The following HORMAD2 variants were observed in gnomAD, a reference collection of about 807,000 sequenced individuals.
HORMAD2 encodes the protein HORMA domain containing 2, also known as HORMA domain-containing protein 2.
A neutral mutation model predicts 38.8 loss-of-function variants in HORMAD2; 45 were observed. That is an observed-to-expected ratio of 1.16 (90% confidence interval 0.91 to 1.49). The LOEUF is 1.49. Among genes scored for constraint, HORMAD2 ranks in the 40% most tolerant of loss-of-function variants. The pLI is 0.00. For synonymous variants in HORMAD2, 126 were observed against 122.8 expected, an observed-to-expected ratio of 1.03 and a Z score of -0.17; for missense variants, 338 against 367.0, an observed-to-expected ratio of 0.92 and a Z score of 0.65.
At chr22:30,133,464 T>C (rs375573366) in intron 10 of HORMAD2, among the ~76,000 whole-genome samples, 1 of 92,766 alleles carries the variant, frequency 1.1e-5, no homozygotes, top group Middle Eastern at 6.2e-3. Context: ...TGTATATATA[T>C]ACATATATAT....
At chr22:30,182,864 T>C in the HORMAD2 span, among the ~76,000 whole-genome samples, 1 of 152,166 alleles carries the variant, frequency 6.6e-6, no homozygotes, top group Non-Finnish European at 1.5e-5. Flanking sequence ...AGGTAATACA[T>C]TCACATGATT....
In HORMAD2 at chr22:30,088,661, A is replaced by G. The variant is rs772370315; in HGVS notation, c.-37-5255A>G. On this transcript the variant is annotated intron_variant, in intron 1 of 10. Coordinates refer to ENST00000336726, the MANE Select transcript of HORMAD2 (RefSeq NM_152510.4). Reference sequence around the variant, plus strand: ...AAGTTTTATTAGTTTTATTAATTTTATTAATTAAAAAAGTTAATTTAAAAA... The same window carrying G: ...AAGTTTTATTAGTTTTATTAATTTTGTTAATTAAAAAAGTTAATTTAAAAA... 1.2e-4 allele frequency among the ~76,000 whole-genome samples: 18 copies of G among 151,494 alleles called. 1 individual carries two copies. Among genetic ancestry groups the G allele is most frequent in the Middle Eastern group, 3.4e-3 (1 of 292 alleles).
chr22:30,197,222 A>T, the HORMAD2 span, among the ~76,000 whole-genome samples: 1 of 151,434 alleles, frequency 6.6e-6, no homozygotes, highest in African/African-American at 2.4e-5. Flanking sequence ...CAGTTTCTTC[A>T]TTCTGAACTG....
At chr22:30,200,140 C>T in the HORMAD2 span, among the ~76,000 whole-genome samples, 4 of 151,904 alleles carry the variant, frequency 2.6e-5, no homozygotes, top group Admixed American at 6.6e-5. Context: ...TGGTCTCAAA[C>T]TCCTGACCCC....
the HORMAD2 span, among the ~76,000 whole-genome samples, chr22:30,193,067 C>T: frequency 1.3e-5 from 2 of 151,894 alleles, no homozygotes; most frequent in Admixed American, 6.6e-5. Context: ...AAATGATAGA[C>T]CGAAAAAAGC....
the HORMAD2 span, among the ~76,000 whole-genome samples, chr22:30,194,346 G>T: frequency 6.6e-6 from 1 of 152,172 alleles, no homozygotes; most frequent in East Asian, 1.9e-4. Flanking sequence ...CATTACAGTT[G>T]TTTAGTCTGG....
intron 5 of HORMAD2, 128 bp downstream of exon 5, chr22:30,104,565 A>T: frequency 1.5e-6 from 1 of 660,294 alleles, no homozygotes; most frequent in Non-Finnish European, 2.5e-6. Flanking sequence ...CCATAAACTA[A>T]TTTCTTATCT....
intron 5 of HORMAD2, 94 bp from the exon 6 acceptor site, chr22:30,111,702 T>C (rs1921669849): frequency 5.8e-6 from 6 of 1,042,994 alleles, no homozygotes; most frequent in Non-Finnish European, 8.3e-6. Flanking sequence ...CTTTCGAACC[T>C]CTCTGAAATA....
chr22:30,193,687 C>T, the HORMAD2 span, among the ~76,000 whole-genome samples: 1 of 152,202 alleles, frequency 6.6e-6, no homozygotes, highest in African/African-American at 2.4e-5. Flanking sequence ...ACCAATGAGG[C>T]TGGTCCCCAC....
chr22:30,168,961 GC>G (rs1925948168), intron 10 of HORMAD2, among the ~76,000 whole-genome samples: 2 of 152,010 alleles, frequency 1.3e-5, no homozygotes, highest in Non-Finnish European at 1.5e-5. Context: ...GTCTGACCCA[GC>G]CCACCACTCC....
chr22:30,100,494 C>T (rs1305080103), intron 3 of HORMAD2, among the ~76,000 whole-genome samples: 1 of 152,100 alleles, frequency 6.6e-6, no homozygotes, highest in East Asian at 1.9e-4. Flanking sequence ...AGAAGAAAAC[C>T]TAGGCAGTAC....
At chr22:30,158,586 C>CTTCCTTCT (rs1256789665) in intron 10 of HORMAD2, among the ~76,000 whole-genome samples, 1 of 94,734 alleles carries the variant, frequency 1.1e-5, no homozygotes, top group Non-Finnish European at 1.9e-5. Flanking sequence ...TCCCCTTCTC[C>CTTCCTTCT]TTCCTTCCTT....
chr22:30,088,871 A>G (rs902962584), intron 1 of HORMAD2, among the ~76,000 whole-genome samples: 1 of 152,000 alleles, frequency 6.6e-6, no homozygotes, highest in African/African-American at 2.4e-5. Context: ...ACTAGATCTT[A>G]AACTCTTAGA....
intron 10 of HORMAD2, among the ~76,000 whole-genome samples, chr22:30,160,358 G>A (rs1424658477): frequency 2.6e-5 from 4 of 151,960 alleles, no homozygotes; most frequent in South Asian, 2.1e-4. Context: ...GCTCACCTCC[G>A]TAAAAGACCA....
intron 10 of HORMAD2, among the ~76,000 whole-genome samples, chr22:30,148,038 A>G (rs1002425841): frequency 2.6e-5 from 4 of 152,254 alleles, no homozygotes; most frequent in South Asian, 4.1e-4. Flanking sequence ...AGACCTGTAC[A>G]TTAATGTTCA....
intron 1 of HORMAD2, among the ~76,000 whole-genome samples, chr22:30,088,174 CATAT>C (rs1407380705): frequency 6.8e-6 from 1 of 146,342 alleles, no homozygotes; most frequent in African/African-American, 2.5e-5. Context: ...CCTATGTATA[CATAT>C]ATACATATAT....
At chr22:30,132,324 A>C (rs370696544) in intron 10 of HORMAD2, among the ~76,000 whole-genome samples, 1 of 152,122 alleles carries the variant, frequency 6.6e-6, no homozygotes, top group Admixed American at 6.6e-5. Flanking sequence ...GCTGATGCCT[A>C]TAATCCCAGC....
chr22:30,079,829 G>A (rs1299140363), upstream of HORMAD2, among the ~76,000 whole-genome samples: 1 of 152,132 alleles, frequency 6.6e-6, no homozygotes, highest in East Asian at 1.9e-4. Flanking sequence ...ACAGGCGCGC[G>A]CCACCACGCC....
chr22:30,084,425 A>G (rs969822110), intron 1 of HORMAD2, among the ~76,000 whole-genome samples: 5 of 152,176 alleles, frequency 3.3e-5, no homozygotes, highest in African/African-American at 7.2e-5. Context: ...ATCACCTCTT[A>G]AAGGCCCCAA....
Sources: allele counts gnomAD v4.1 joint callset (sites outside exome capture counted in the v4.1 genomes callset), GRCh38; gene constraint gnomAD v4.1.1; transcripts MANE v1.5; gene names NCBI Gene and HGNC (gene_info 2026-07-23, HGNC 2026-07-21).